Variants in ZNF185 observed in about 807,000 individuals in gnomAD.
ZNF185 encodes zinc finger protein 185 with LIM domain, also known as zinc finger protein 185.
In ZNF185, 56 loss-of-function variants were observed where a neutral mutation model predicts 58.6. The ratio of observed to expected loss-of-function variants is 0.95; its 90% CI spans 0.77 to 1.19. The LOEUF (loss-of-function observed/expected upper bound fraction) is 1.19. Ranked by LOEUF, ZNF185 falls within the 50% of genes most tolerant of loss-of-function variation. The pLI, the probability that ZNF185 is intolerant of heterozygous loss-of-function variation, is 0.00. For synonymous variants in ZNF185, 230 were observed against 215.9 expected (o/e 1.07, Z -0.57); for missense variants, 627 against 573.5 (o/e 1.09, Z -0.95).
At chrX:152,939,416 C>T (rs1362288931) in intron 15 of ZNF185, among the ~76,000 whole-genome samples, 3 of 112,072 alleles carry the variant, frequency 2.7e-5, no homozygotes, top group Non-Finnish European at 5.6e-5. Context: ...GATTAAGTGA[C>T]TTAGCCAAGG....
the ZNF185 span, among the ~76,000 whole-genome samples, chrX:152,909,273 AC>A: frequency 9.0e-6 from 1 of 111,070 alleles, no homozygotes; most frequent in South Asian, 3.8e-4. Flanking sequence ...CTTTCCCCCC[AC>A]CCCCTGCTGC....
At chrX:152,899,535 G>C in the ZNF185 span, among the ~76,000 whole-genome samples, 1 of 112,972 alleles carries the variant, frequency 8.9e-6, no homozygotes. Flanking sequence ...GCCCCTGGCT[G>C]GATGCTGTGC....
At chrX:152,931,597 T>G in intron 12 of ZNF185, 75 bp from the exon 14 acceptor site, 1 of 909,245 alleles carries the variant, frequency 1.1e-6, no homozygotes, top group Admixed American at 3.1e-5. Context: ...AGCTGGCGTT[T>G]GAGGATGAGG....
At chrX:152,968,210 C>T (rs1007575805) in intron 20 of ZNF185, among the ~76,000 whole-genome samples, 3 of 112,263 alleles carry the variant, frequency 2.7e-5, no homozygotes, top group African/African-American at 6.5e-5. Context: ...TGAGGCACAT[C>T]AGCAGATGAA....
chrX:152,933,007 C>T (rs1422032148), intron 14 of ZNF185, 36 bp downstream of exon 15: 1 of 1,054,918 alleles, frequency 9.5e-7, no homozygotes, highest in Non-Finnish European at 1.3e-6. Context: ...CTCTCATGCC[C>T]CTGGTGACAG....
intron 15 of ZNF185, chrX:152,941,726 GCTCGGC>G: frequency 8.6e-7 from 1 of 1,164,533 alleles, no homozygotes; most frequent in East Asian, 3.3e-5. Context: ...CCCGGGACGA[GCTCGGC>G]CTCGGCGGGG....
intron 17 of ZNF185, among the ~76,000 whole-genome samples, 171 bp from the exon 20 acceptor site, chrX:152,963,668 C>G (rs1186365734): frequency 1.8e-5 from 2 of 112,103 alleles, no homozygotes; most frequent in Non-Finnish European, 3.8e-5. Flanking sequence ...GGACATGTCT[C>G]AACTCACCTA....
intron 16 of ZNF185, among the ~76,000 whole-genome samples, chrX:152,951,929 A>G (rs1472941384): frequency 8.9e-6 from 1 of 112,314 alleles, no homozygotes; most frequent in Admixed American, 9.5e-5. Flanking sequence ...CATAAGTCTA[A>G]GGTTTTAAGT....
chrX:152,905,324 CCTG>C, the ZNF185 span, among the ~76,000 whole-genome samples: 2 of 111,986 alleles, frequency 1.8e-5, no homozygotes, highest in African/African-American at 6.5e-5. Context: ...GGAGAAGCCA[CCTG>C]CTGCCCCTTG....
At chrX:152,971,978 C>G (rs923844306) in exon 23 of ZNF185, 8 of 111,917 alleles carry the variant, frequency 7.1e-5, no homozygotes, top group Non-Finnish European at 1.5e-4. Context: ...CTGTTGGAAT[C>G]TTGATAGCTG....
intron 16 of ZNF185, among the ~76,000 whole-genome samples, chrX:152,952,381 T>TA (rs1471903508): frequency 8.9e-6 from 1 of 112,559 alleles, no homozygotes; most frequent in Non-Finnish European, 1.9e-5. Flanking sequence ...TAATAATTTA[T>TA]ATAAGTACTT....
At chrX:152,906,061 A>C in the ZNF185 span, among the ~76,000 whole-genome samples, 1 of 112,310 alleles carries the variant, frequency 8.9e-6, no homozygotes, top group Non-Finnish European at 1.9e-5. Context: ...TGCCACCCTT[A>C]TCGAGTGGTA....
intron 17 of ZNF185, among the ~76,000 whole-genome samples, chrX:152,963,202 C>T (rs1007854161): frequency 3.5e-5 from 4 of 112,799 alleles, no homozygotes; most frequent in Non-Finnish European, 7.5e-5. Flanking sequence ...GAGTGAGAGC[C>T]GATATTGGCT....
At chrX:152,914,174 G>A (rs782125623), upstream of ZNF185, among the ~76,000 whole-genome samples, 7 of 111,758 alleles carry the variant, frequency 6.3e-5, no homozygotes, top group East Asian at 1.4e-3. Flanking sequence ...ATCAGTGATC[G>A]CTTTGAACAG....
intron 16 of ZNF185, among the ~76,000 whole-genome samples, chrX:152,954,971 G>C (rs1008471820): frequency 9.0e-6 from 1 of 111,262 alleles, no homozygotes; most frequent in East Asian, 2.8e-4. Context: ...AAAGGTGGAG[G>C]GGGGGAAATG....
At chrX:152,936,329 T>A (rs1556881681) in intron 14 of ZNF185, 89 bp from the exon 16 acceptor site, 4 of 764,054 alleles carry the variant, frequency 5.2e-6, no homozygotes, top group Non-Finnish European at 7.6e-6. Flanking sequence ...CCTCATCATC[T>A]GTGGGGGGCA....
At chrX:152,926,778 A>G (rs1243225430) in intron 11 of ZNF185, among the ~76,000 whole-genome samples, 1 of 112,218 alleles carries the variant, frequency 8.9e-6, no homozygotes, top group Non-Finnish European at 1.9e-5. Flanking sequence ...GTAACAAGGT[A>G]CCAGAAACTG....
At chrX:152,960,461 G>A (rs782341107) in intron 17 of ZNF185, among the ~76,000 whole-genome samples, 2 of 112,196 alleles carry the variant, frequency 1.8e-5, no homozygotes, top group East Asian at 5.6e-4. Flanking sequence ...CCAAGGAACA[G>A]CCAGGTACTA....
chrX:152,967,379 T>C (rs782600261), intron 20 of ZNF185, 141 bp downstream of exon 22: 1 of 547,997 alleles, frequency 1.8e-6, no homozygotes, highest in African/African-American at 2.3e-5. Flanking sequence ...GACACTACCG[T>C]AGGGTGGTGC....
Sources: gnomAD v4.1 joint callset for allele counts (sites outside exome capture counted in the v4.1 genomes callset) on GRCh38, gnomAD v4.1.1 for gene constraint, MANE v1.5 for transcripts, NCBI Gene and HGNC (gene_info 2026-07-23, HGNC 2026-07-21) for gene names.